The following XYLT1 variants were observed in gnomAD, a reference collection of about 807,000 sequenced individuals.
The protein encoded by XYLT1 is beta-D-xylosyltransferase 1.
Under a neutral mutation model 91.3 loss-of-function variants are expected in XYLT1, and 36 were observed. The observed-to-expected ratio is 0.39, with a 90% CI of 0.30 to 0.52. The LOEUF is 0.52. XYLT1 is among the 20% of genes least tolerant of loss of function. The pLI is 0.68. For synonymous variants in XYLT1, 588 were observed against 532.0 expected (o/e 1.11, Z -1.45); for missense variants, 1,242 against 1,284.5 (o/e 0.97, Z 0.51).
chr16:17,441,670 AG>A (rs2036534042), intron 1 of XYLT1, among the ~76,000 whole-genome samples: 1 of 152,172 alleles, frequency 6.6e-6, no homozygotes, highest in African/African-American at 2.4e-5. Flanking sequence ...TTTAAATAGC[AG>A]GTACTCTAAG....
At chr16:17,171,805 A>C (rs2031826414) in intron 5 of XYLT1, among the ~76,000 whole-genome samples, 1 of 152,226 alleles carries the variant, frequency 6.6e-6, no homozygotes, top group Non-Finnish European at 1.5e-5. Context: ...CCACCCCTAT[A>C]TTGGGTAAAA....
intron 1 of XYLT1, among the ~76,000 whole-genome samples, chr16:17,379,709 C>T (rs1401737268): frequency 6.7e-6 from 1 of 148,830 alleles, no homozygotes; most frequent in Non-Finnish European, 1.5e-5. Context: ...TGAGTCTCCA[C>T]ATCTATGAAA....
chr16:17,449,259 C>G (rs114189884), intron 1 of XYLT1, among the ~76,000 whole-genome samples: 75 of 152,366 alleles, frequency 4.9e-4, no homozygotes, highest in African/African-American at 1.7e-3. Flanking sequence ...GCAGCCCCAT[C>G]CTGGGGAAAG....
At chr16:17,244,219 T>C (rs949484294) in intron 3 of XYLT1, among the ~76,000 whole-genome samples, 1 of 152,104 alleles carries the variant, frequency 6.6e-6, no homozygotes, top group Middle Eastern at 3.2e-3. Context: ...AGAAGTGTGA[T>C]TTCTCAGGTT....
At chr16:17,167,180 C>T (rs1041435162) in intron 5 of XYLT1, among the ~76,000 whole-genome samples, 10 of 152,190 alleles carry the variant, frequency 6.6e-5, no homozygotes, top group Admixed American at 5.9e-4. Context: ...CCGCTTTCCC[C>T]GTGGTGAATA....
intron 1 of XYLT1, among the ~76,000 whole-genome samples, chr16:17,460,638 G>A (rs948852178): frequency 6.6e-6 from 1 of 152,166 alleles, no homozygotes; most frequent in Non-Finnish European, 1.5e-5. Context: ...ATCTTAGGGG[G>A]ACTCTTAGGG....
intron 1 of XYLT1, among the ~76,000 whole-genome samples, chr16:17,419,128 G>A (rs2036218377): frequency 6.6e-6 from 1 of 151,876 alleles, no homozygotes; most frequent in South Asian, 2.1e-4. Context: ...TTTTCCTTCT[G>A]TAAATTGAAA....
intron 1 of XYLT1, among the ~76,000 whole-genome samples, chr16:17,464,943 G>A (rs953124549): frequency 1.3e-5 from 2 of 151,656 alleles, no homozygotes; most frequent in African/African-American, 2.4e-5. Context: ...CCAGGAGTTC[G>A]AGAGCAGCCT....
At chr16:17,290,449 T>G (rs73527088) in intron 2 of XYLT1, among the ~76,000 whole-genome samples, 1,955 of 152,348 alleles carry the variant, frequency 0.013, 46 homozygotes, top group African/African-American at 0.044. Context: ...GCCATGACTC[T>G]TGGAGCCAAG....
intron 1 of XYLT1, among the ~76,000 whole-genome samples, chr16:17,369,899 CACG>C (rs2035507447): frequency 6.6e-6 from 1 of 152,160 alleles, no homozygotes; most frequent in Admixed American, 6.5e-5. Context: ...TCTCATCACC[CACG>C]ACAACAGAGT....
intron 3 of XYLT1, among the ~76,000 whole-genome samples, chr16:17,225,618 C>T (rs114230409): frequency 0.012 from 1,752 of 151,064 alleles, 40 homozygotes; most frequent in African/African-American, 0.04. Flanking sequence ...AAAAAAAAAA[C>T]CCAATTTTCT....
intron 2 of XYLT1, among the ~76,000 whole-genome samples, chr16:17,308,787 A>G (rs1351088234): frequency 6.6e-6 from 1 of 152,216 alleles, no homozygotes; most frequent in Non-Finnish European, 1.5e-5. Flanking sequence ...TACCTGACAC[A>G]TGGTAGATGC....
In XYLT1 at chr16:17,454,616, A is replaced by C. The variant is rs887933396; in HGVS notation, c.363+15818T>G. Among the ~76,000 whole-genome samples the C allele has an allele frequency of 3.3e-5, 5 of 151,572 alleles. No homozygotes were observed. In the East Asian group the frequency reaches 7.8e-4, roughly 24 times the overall value. On this transcript the variant is annotated intron_variant, in intron 1 of 11. Coordinates refer to ENST00000261381, the MANE Select transcript of XYLT1 (RefSeq NM_022166.4). ...CAGTGGCACAATCTTGGCTCAGTGC[A>C]ATCTCTGCCTCCCGGGTTCAAGTGA... is the stretch of plus-strand genomic sequence containing the variant.
At chr16:17,180,459 G>A (rs765087392) in intron 5 of XYLT1, among the ~76,000 whole-genome samples, 1 of 152,150 alleles carries the variant, frequency 6.6e-6, no homozygotes, top group Non-Finnish European at 1.5e-5. Flanking sequence ...CTGAGAAAGG[G>A]TGGCAATGTT....
chr16:17,416,762 G>T lies in XYLT1; in HGVS notation c.363+53672C>A, dbSNP rs555043972. 2.0e-4 allele frequency among the ~76,000 whole-genome samples: 30 copies of T among 152,284 alleles called. No individual in the cohort carries two copies. In the South Asian group the frequency reaches 5.6e-3, roughly 28 times the overall value. On this transcript the variant is annotated intron_variant, in intron 1 of 11. Transcript: ENST00000261381. ...GCTGCCTCCACCAGGGGTTGCCAGG[G>T]GCAAGCATCTGCACCGTGGTGAAAC... is the stretch of plus-strand genomic sequence containing the variant.
intron 5 of XYLT1, among the ~76,000 whole-genome samples, chr16:17,196,142 A>T (rs955406360): frequency 2.6e-5 from 4 of 152,194 alleles, no homozygotes; most frequent in African/African-American, 7.2e-5. Context: ...AGGGTCTCCC[A>T]GCAGATGGTG....
intron 3 of XYLT1, among the ~76,000 whole-genome samples, chr16:17,228,658 T>C (rs982552215): frequency 1.3e-5 from 2 of 152,142 alleles, no homozygotes; most frequent in African/African-American, 4.8e-5. Context: ...AGGCTTCTGA[T>C]TGGAGGCAGC....
chr16:17,459,417 A>G (rs2036786135), intron 1 of XYLT1, among the ~76,000 whole-genome samples: 1 of 152,208 alleles, frequency 6.6e-6, no homozygotes, highest in Non-Finnish European at 1.5e-5. Flanking sequence ...TGTTGTACAG[A>G]TACGAATAGT....
chr16:17,231,520 C>A (rs1418267463), intron 3 of XYLT1, among the ~76,000 whole-genome samples: 1 of 152,170 alleles, frequency 6.6e-6, no homozygotes. Context: ...GAGGGTACAG[C>A]CATGCATCAC....
Sources: allele counts gnomAD v4.1 joint callset (sites outside exome capture counted in the v4.1 genomes callset), GRCh38; gene constraint gnomAD v4.1.1; transcripts MANE v1.5; gene names NCBI Gene and HGNC (gene_info 2026-07-23, HGNC 2026-07-21).